CELF2: variants seen among roughly 807,000 people sequenced by gnomAD.
CELF2 encodes CUG triplet repeat RNA-binding protein 2.
CELF2 carries 8 observed loss-of-function variants against 62.6 expected under a neutral mutation model. The observed-to-expected ratio is 0.13, with a 90% CI of 0.07 to 0.23. CELF2 has a LOEUF of 0.23. Among genes scored for constraint, CELF2 ranks in the 10% least tolerant of loss-of-function variants. The probability of loss-of-function intolerance (pLI) is 1.00; values close to 1 mark genes in which losing one functional copy is unlikely to be tolerated. For missense variants in CELF2, 333 were observed against 671.0 expected (o/e 0.50, Z 5.56); for synonymous variants, 258 against 250.0 (o/e 1.03, Z -0.30).
intron 1 of CELF2, among the ~76,000 whole-genome samples, chr10:10,882,375 G>A (rs148589622): frequency 5.9e-5 from 9 of 152,344 alleles, no homozygotes; most frequent in South Asian, 2.1e-4. Flanking sequence ...GGTTTCCCTC[G>A]TAGTTTGTTT....
At chr10:11,048,333 G>A (rs1430653838) in intron 1 of CELF2, among the ~76,000 whole-genome samples, 2 of 152,118 alleles carry the variant, frequency 1.3e-5, no homozygotes, top group African/African-American at 4.8e-5. Context: ...TTAAAAACTG[G>A]CAGTGAACAG....
chr10:10,847,602 C>G (rs1021508859), intron 1 of CELF2, among the ~76,000 whole-genome samples: 1 of 152,172 alleles, frequency 6.6e-6, no homozygotes, highest in Non-Finnish European at 1.5e-5. Context: ...TGAAAAGCGT[C>G]ATTGCAGAAT....
intron 2 of CELF2, among the ~76,000 whole-genome samples, chr10:11,173,976 T>C (rs1047704219): frequency 1.3e-5 from 2 of 152,160 alleles, no homozygotes; most frequent in African/African-American, 2.4e-5. Flanking sequence ...GTCGGGAGAA[T>C]TGAAGATGTT....
intron 2 of CELF2, among the ~76,000 whole-genome samples, chr10:11,170,007 G>A (rs1389310024): frequency 6.6e-6 from 1 of 152,208 alleles, no homozygotes; most frequent in Non-Finnish European, 1.5e-5. Context: ...GAGGACCCAA[G>A]AGTATTTCAG....
the CELF2 span, among the ~76,000 whole-genome samples, chr10:10,612,674 C>T: frequency 2.6e-5 from 4 of 152,144 alleles, no homozygotes; most frequent in Admixed American, 6.5e-5. Flanking sequence ...GTATTGGATG[C>T]CTTTCTTTCT....
chr10:10,824,778 A>T (rs981162773), intron 1 of CELF2, among the ~76,000 whole-genome samples: 2 of 152,252 alleles, frequency 1.3e-5, no homozygotes, highest in African/African-American at 4.8e-5. Flanking sequence ...GCCAAAAAAC[A>T]TAAGAACATA....
chr10:11,152,047 A>T (rs2063435530), intron 1 of CELF2, among the ~76,000 whole-genome samples: 2 of 152,112 alleles, frequency 1.3e-5, no homozygotes, highest in African/African-American at 4.8e-5. Context: ...GAAAGTCCTG[A>T]CCCTAGCACC....
At chr10:10,949,123 G>A (rs1300319445) in intron 2 of CELF2, among the ~76,000 whole-genome samples, 1 of 152,146 alleles carries the variant, frequency 6.6e-6, no homozygotes, top group South Asian at 2.1e-4. Context: ...GAAGATATTT[G>A]CATGTGAAGT....
chr10:11,203,682 A>G (rs751135703), intron 2 of CELF2, among the ~76,000 whole-genome samples: 4 of 152,222 alleles, frequency 2.6e-5, no homozygotes, highest in Non-Finnish European at 5.9e-5. Context: ...TGGCATTTAA[A>G]GTTGATCGCT....
chr10:11,066,915 C>G (rs568421833), intron 1 of CELF2, among the ~76,000 whole-genome samples: 2 of 152,044 alleles, frequency 1.3e-5, no homozygotes, highest in Admixed American at 6.5e-5. Flanking sequence ...TAGGTGCTGT[C>G]GGTTGTAAAC....
chr10:10,649,913 C>G, the CELF2 span, among the ~76,000 whole-genome samples: 1 of 152,118 alleles, frequency 6.6e-6, no homozygotes, highest in Non-Finnish European at 1.5e-5. Context: ...ACCTTCACAT[C>G]GATCTCTGCA....
At chr10:10,561,813 C>T in the CELF2 span, among the ~76,000 whole-genome samples, 84 of 152,236 alleles carry the variant, frequency 5.5e-4, no homozygotes, top group East Asian at 4.4e-3. Flanking sequence ...TCTTCTAGGA[C>T]GGACAGTGGT....
In CELF2 at chr10:11,314,469, C is replaced by A. The variant is rs1565938282; in HGVS notation, c.1096+211C>A. On this transcript the variant is annotated intron_variant, in intron 10 of 12. Coordinates refer to ENST00000633077, the MANE Select transcript of CELF2 (RefSeq NM_001326342.2). The surrounding 1 kb of genome is among the most constrained non-coding windows in gnomAD (Gnocchi z 5.3). ...CAACCACTCTCCACCCCCAGATTCT[C>A]TTCAGTGTGTAGCACAGCGCGTGTG... The A allele has an allele frequency of 1.5e-6, 1 of 654,938 alleles. No homozygotes were observed. The highest frequency in any genetic ancestry group is 2.8e-6 in the Non-Finnish European group (1 of 362,102). 40.6% of individuals were successfully genotyped at this position (654,938 alleles called of 1,614,324 possible). A position where few individuals can be genotyped will look rare whatever the true frequency, so the allele number is the denominator to read the frequency against.
Position 11,220,404 on chromosome 10 carries a change from A to T in CELF2, c.354+2897A>T, listed in dbSNP as rs1477122258. Among the ~76,000 whole-genome samples, 2 of 152,224 alleles carry T rather than the reference A, an allele frequency of 1.3e-5. No homozygotes were observed. The highest frequency in any genetic ancestry group is 4.8e-5 in the African/African-American group (2 of 41,458). On this transcript the variant is annotated intron_variant, in intron 3 of 12. Coordinates refer to ENST00000633077, the MANE Select transcript of CELF2 (RefSeq NM_001326342.2). This position sits in a 1 kb window ranked among gnomAD's most constrained non-coding sequence, Gnocchi z 4.4. ...TTAGTTAGGAAGCAGAAACAAGTTG[A>T]TAGGATGGTCTGTTGTGCAATCAAA...
At chr10:10,702,173 A>G in the CELF2 span, among the ~76,000 whole-genome samples, 3 of 152,300 alleles carry the variant, frequency 2.0e-5, no homozygotes, top group South Asian at 4.1e-4. Flanking sequence ...TTGAAACAAA[A>G]AGAGGAGGAA....
At position 11,098,680 on chromosome 10, in the gene CELF2, C is replaced by T. The variant is rs911532498; in HGVS notation, c.75-66806C>T. Among the ~76,000 whole-genome samples, 60 of 152,182 alleles carry T rather than the reference C, an allele frequency of 3.9e-4. No individual in the cohort carries two copies. The highest frequency in any genetic ancestry group is 1.3e-3 in the African/African-American group (53 of 41,434). On this transcript the variant is annotated intron_variant, in intron 1 of 12. Coordinates refer to ENST00000633077, the MANE Select transcript of CELF2 (RefSeq NM_001326342.2). The surrounding 1 kb of genome is among the most constrained non-coding windows in gnomAD (Gnocchi z 4.0). ...ATGTGTCATGAGCACACTGTTTTCTCTGTAGAAATAACAAAGGCCCTGGAT... is the reference window on the plus strand; with the variant it reads ...ATGTGTCATGAGCACACTGTTTTCTTTGTAGAAATAACAAAGGCCCTGGAT...
chr10:10,557,125 T>C, the CELF2 span, among the ~76,000 whole-genome samples: 1 of 141,598 alleles, frequency 7.1e-6, no homozygotes, highest in South Asian at 2.4e-4. Context: ...ATGTCCTGAA[T>C]GGTAATGCCT....
the CELF2 span, among the ~76,000 whole-genome samples, chr10:10,723,142 T>C: frequency 6.6e-6 from 1 of 152,192 alleles, no homozygotes; most frequent in African/African-American, 2.4e-5. Flanking sequence ...CAATCGGAAA[T>C]ATGGACCATT....
At chr10:11,005,281 A>AGAGAGAGAGAGAGG, upstream of CELF2, 1 of 1,592,580 alleles carries the variant, frequency 6.3e-7, no homozygotes, top group Non-Finnish European at 8.6e-7. This position sits in a 1 kb window ranked among gnomAD's most constrained non-coding sequence, Gnocchi z 4.3. Flanking sequence ...AGAGAGAGAG[A>AGAGAGAGAGAGAGG]GAGAGAGAGA....
Sources: allele counts gnomAD v4.1 joint callset (sites outside exome capture counted in the v4.1 genomes callset), GRCh38; gene constraint gnomAD v4.1.1; non-coding constraint Gnocchi (gnomAD v3.1); transcripts MANE v1.5; gene names NCBI Gene and HGNC (gene_info 2026-07-23, HGNC 2026-07-21).